The following KPTN variants were observed in gnomAD, a reference collection of about 807,000 sequenced individuals.
KPTN encodes the protein kaptin, actin binding protein.
In KPTN, 36 loss-of-function variants were observed where a neutral mutation model predicts 52.6. The observed-to-expected ratio is 0.68, with a 90% confidence interval of 0.52 to 0.90. The LOEUF is 0.90. Ranked by LOEUF, KPTN falls within the 40% of genes least tolerant of loss-of-function variation. KPTN has a pLI of 0.00. For missense variants in KPTN, 529 were observed against 576.2 expected, an observed-to-expected ratio of 0.92 and a Z score of 0.84; for synonymous variants, 271 against 248.4, an observed-to-expected ratio of 1.09 and a Z score of -0.85.
In KPTN at chr19:47,476,869, G is replaced by A; in HGVS notation, c.933C>T (p.Leu311=). ...LPGSDQFDSV[L]CSLVTDVDLD... ...AATCCACATCGGTGACCAGGCTGCA[G>A]AGGACGCTGTCAAACTGGTCACTGC... is the stretch of plus-strand genomic sequence containing the variant. The change falls in exon 10 of 12, where the codon CTC becomes CTT. Residue 311 remains leucine, a synonymous_variant. Coordinates refer to ENST00000338134, the MANE Select transcript of KPTN (RefSeq NM_007059.4). 2.5e-6 allele frequency: 4 copies of A among 1,570,110 alleles called. No individual in the cohort carries two copies. Among genetic ancestry groups the A allele is most frequent in the Non-Finnish European group, 1.7e-6 (2 of 1,157,050 alleles).
chr19:47,484,094 AGAAGCGCGT>A lies in KPTN; in HGVS notation c.58_66del (p.Thr20_Phe22del). 1 of 1,606,992 alleles carries A rather than the reference AGAAGCGCGT, an allele frequency of 6.2e-7. No individual in the cohort carries two copies. The highest frequency in any genetic ancestry group is 8.5e-7 in the Non-Finnish European group (1 of 1,179,736). On this transcript the variant is annotated inframe_deletion, in exon 1 of 12. Transcript: ENST00000338134. ...AGCCCGTACACATTGCTCTGCGACG[AGAAGCGCGT>A]GAAGCTGTCCTCGCGCAACGGACAA...
At chr19:47,483,825 C>T in intron 1 of KPTN, 110 bp downstream of exon 1, 2 of 1,463,974 alleles carry the variant, frequency 1.4e-6, no homozygotes, top group Non-Finnish European at 1.8e-6. Flanking sequence ...CCCCTTAAAA[C>T]CACCTGATCC....
At chr19:47,478,333 T>G (rs1967746742) in intron 8 of KPTN, among the ~76,000 whole-genome samples, 1 of 151,724 alleles carries the variant, frequency 6.6e-6, no homozygotes, top group Non-Finnish European at 1.5e-5. Context: ...ATCCCAGCAC[T>G]TTTGGAGGCC....
upstream of KPTN, among the ~76,000 whole-genome samples, chr19:47,485,066 A>T (rs1452880162): frequency 6.6e-6 from 1 of 152,182 alleles, no homozygotes; most frequent in Non-Finnish European, 1.5e-5. Flanking sequence ...CCCCAAGGAA[A>T]AATGATCCAG....
Position 47,476,900 on chromosome 19 carries a change from A to C in KPTN, c.902T>G (p.Leu301Arg). The change falls in exon 10 of 12, where the codon CTG becomes CGG. Residue 301 changes from leucine to arginine, a missense_variant. Coordinates refer to ENST00000338134, the MANE Select transcript of KPTN (RefSeq NM_007059.4). ...GCTGTCAAACTGGTCACTGCCGGGC[A>C]GGAGAAGCTGGTCTTCAAGACCCCG... Reference protein sequence around the residue: ...LNRGLEDQLLLPGSDQFDSVL... With the variant: ...LNRGLEDQLLRPGSDQFDSVL... 1 of 1,560,372 alleles carries C rather than the reference A, an allele frequency of 6.4e-7. No homozygotes were observed. The highest frequency in any genetic ancestry group is 8.7e-7 in the Non-Finnish European group (1 of 1,151,600).
intron 8 of KPTN, among the ~76,000 whole-genome samples, chr19:47,479,145 C>T (rs1029987063): frequency 2.0e-5 from 3 of 152,180 alleles, no homozygotes; most frequent in Non-Finnish European, 4.4e-5. Flanking sequence ...TGGGTTCAAT[C>T]GATTCTCCTG....
chr19:47,483,209 C>G lies in KPTN; in HGVS notation c.401G>C (p.Cys134Ser), dbSNP rs978654855. 10 of 1,614,016 alleles carry G rather than the reference C, an allele frequency of 6.2e-6. No individual in the cohort carries two copies. Among genetic ancestry groups the G allele is most frequent in the African/African-American group, 1.3e-5 (1 of 75,040 alleles). The change falls in exon 4 of 12, where the codon TGC becomes TCC. Residue 134 changes from cysteine to serine, a missense_variant. By Grantham distance (112) the Cys-to-Ser change is moderately radical (BLOSUM62 -1). Coordinates refer to ENST00000338134, the MANE Select transcript of KPTN (RefSeq NM_007059.4). ...AGTGAACTGGAGCTCCAGGTTCAGG[C>G]AGCTCTCTGTAGGCAGGGCACAGGC... ...EYNLDSIAQS[C>S]LNLELQFTPF...
Position 47,478,022 on chromosome 19 carries a change from T to G in KPTN, c.788-241A>C, listed in dbSNP as rs1366173257. On this transcript the variant is annotated intron_variant, in intron 8 of 11. Coordinates refer to ENST00000338134, the MANE Select transcript of KPTN (RefSeq NM_007059.4). ...TTGGAGTGAGCCAAGATCACACCAC[T>G]GCACTCCAGCCTGGGTGACAGAGCG... Among the ~76,000 whole-genome samples, 5 of 150,002 alleles carry G rather than the reference T, an allele frequency of 3.3e-5. No individual in the cohort carries two copies. The East Asian group carries it at 9.9e-4, about 30-fold the overall frequency.
Position 47,476,589 on chromosome 19 carries a change from G to T in KPTN, c.1125C>A (p.Thr375=). ...CGGCAAGCTCCTGCAGCCCATCCCC[G>T]GTCAGGTCCACGTGAGCCATGGCCA... ...PLLAMAHVDL[T]GDGLQELAVV... Residue 375 remains threonine, a synonymous_variant, in exon 11 of 12, where the codon ACC becomes ACA. Coordinates refer to ENST00000338134, the MANE Select transcript of KPTN (RefSeq NM_007059.4). The T allele has an allele frequency of 6.2e-7, 1 of 1,611,934 alleles. No homozygotes were observed. The highest frequency in any genetic ancestry group is 8.5e-7 in the Non-Finnish European group (1 of 1,179,654).
chr19:47,476,579 G>T lies in KPTN; in HGVS notation c.1135C>A (p.Leu379Met). Residue 379 changes from leucine (L) to methionine (M), a missense_variant, in exon 11 of 12, where the codon CTG becomes ATG. Leu to Met is a conservative substitution (Grantham distance 15, BLOSUM62 2). Transcript: ENST00000338134. Reference sequence around the variant, plus strand: ...AGGGAGACCACGGCAAGCTCCTGCAGCCCATCCCCGGTCAGGTCCACGTGA... The same window carrying T: ...AGGGAGACCACGGCAAGCTCCTGCATCCCATCCCCGGTCAGGTCCACGTGA... ...MAHVDLTGDG[L>M]QELAVVSLKG... The T allele has an allele frequency of 6.2e-7, 1 of 1,611,872 alleles. No individual in the cohort carries two copies. Among genetic ancestry groups the T allele is most frequent in the Non-Finnish European group, 8.5e-7 (1 of 1,179,620 alleles).
In KPTN at chr19:47,480,741, C is replaced by A. The variant is rs769660633; in HGVS notation, c.599+19G>T. On this transcript the variant is annotated intron_variant, in intron 6 of 11. Coordinates refer to ENST00000338134, the MANE Select transcript of KPTN (RefSeq NM_007059.4). Reference sequence around the variant, plus strand: ...TCAGTGCCCCGGTCCCCAGTGGCCTCTTTCGGGGCCTCTCCTACCTACTGG... The same window carrying A: ...TCAGTGCCCCGGTCCCCAGTGGCCTATTTCGGGGCCTCTCCTACCTACTGG... 6.2e-7 allele frequency: 1 copy of A among 1,613,122 alleles called. No individual in the cohort carries two copies. Among genetic ancestry groups the A allele is most frequent in the South Asian group, 1.1e-5 (1 of 91,062 alleles).
chr19:47,480,327 C>G lies in KPTN; in HGVS notation c.680G>C (p.Arg227Pro), dbSNP rs1295712254. The G allele has an allele frequency of 6.5e-7, 1 of 1,549,042 alleles. No individual in the cohort carries two copies. The highest frequency in any genetic ancestry group is 8.7e-7 in the Non-Finnish European group (1 of 1,146,216). ...SALGCQSGYV[R>P]VAHVDQRSRE... ...ACTCCGCTGGTCCACGTGGGCGACA[C>G]GGACATAACCACTCTGACAGCCCAG... The change falls in exon 7 of 12, where the codon CGT (arginine) becomes CCT (proline). Residue 227 changes from arginine to proline, a missense_variant. Arg to Pro is a moderately radical substitution (Grantham distance 103, BLOSUM62 -2). Coordinates refer to ENST00000338134, the MANE Select transcript of KPTN (RefSeq NM_007059.4).
upstream of KPTN, among the ~76,000 whole-genome samples, chr19:47,484,948 C>A (rs749780637): frequency 1.3e-4 from 20 of 152,178 alleles, no homozygotes; most frequent in Non-Finnish European, 2.1e-4. Flanking sequence ...GATCCGCCCA[C>A]CTCGGCCTCC....
At position 47,483,494 on chromosome 19, in the gene KPTN, C is replaced by T. The variant is rs769331426; in HGVS notation, c.309+8G>A. The T allele has an allele frequency of 6.3e-7, 1 of 1,599,656 alleles. No homozygotes were observed. The highest frequency in any genetic ancestry group is 8.5e-7 in the Non-Finnish European group (1 of 1,172,326). On this transcript the variant is annotated splice_region_variant and intron_variant, in intron 2 of 11. Coordinates refer to ENST00000338134, the MANE Select transcript of KPTN (RefSeq NM_007059.4). ...AGGGCGAAGGGAGGTGGAGGGGGCTCTAGGTACCTTGATGAACGTGATCCC... is the reference window on the plus strand; with the variant it reads ...AGGGCGAAGGGAGGTGGAGGGGGCTTTAGGTACCTTGATGAACGTGATCCC...
intron 9 of KPTN, 112 bp from the exon 10 acceptor site, chr19:47,477,050 C>G: frequency 8.9e-7 from 1 of 1,124,870 alleles, no homozygotes; most frequent in Non-Finnish European, 1.3e-6. Context: ...CCTAGACACA[C>G]TGGTCCTCCG....
At chr19:47,478,941 G>A (rs1328578108) in intron 8 of KPTN, among the ~76,000 whole-genome samples, 6 of 152,208 alleles carry the variant, frequency 3.9e-5, no homozygotes, top group South Asian at 4.1e-4. Flanking sequence ...TAGGTACAAC[G>A]GACACTAGCT....
Position 47,483,925 on chromosome 19 carries a change from C to A in KPTN, c.226+10G>T, listed in dbSNP as rs1967980070. On this transcript the variant is annotated intron_variant, in intron 1 of 11. Coordinates refer to ENST00000338134, the MANE Select transcript of KPTN (RefSeq NM_007059.4). ...AGGCCCCCGCCCCCCAGCACCATAG[C>A]GCCACCCACCGGGAATGTAGTTGAA... is the stretch of plus-strand genomic sequence containing the variant. 6.2e-7 allele frequency: 1 copy of A among 1,613,364 alleles called. No homozygotes were observed. The highest frequency in any genetic ancestry group is 1.3e-5 in the African/African-American group (1 of 74,912).
chr19:47,480,803 G>T lies in KPTN; in HGVS notation c.556C>A (p.Pro186Thr). 1 of 1,614,034 alleles carries T rather than the reference G, an allele frequency of 6.2e-7. No individual in the cohort carries two copies. The highest frequency in any genetic ancestry group is 8.5e-7 in the Non-Finnish European group (1 of 1,180,002). Residue 186 changes from proline (P) to threonine (T), a missense_variant, in exon 6 of 12, where the codon CCC becomes ACC. Coordinates refer to ENST00000338134, the MANE Select transcript of KPTN (RefSeq NM_007059.4). ...AGCTCTGGGAAGAGGTTTTCCACGGGCTGTTCCTCAAACTGATGCAGCCCC... is the reference window on the plus strand; with the variant it reads ...AGCTCTGGGAAGAGGTTTTCCACGGTCTGTTCCTCAAACTGATGCAGCCCC... Reference protein sequence around the residue: ...NEGLHQFEEQPVENLFPELTN... With the variant: ...NEGLHQFEEQTVENLFPELTN...
intron 5 of KPTN, 30 bp downstream of exon 5, chr19:47,480,928 G>C (rs1967857289): frequency 9.3e-6 from 15 of 1,612,330 alleles, no homozygotes; most frequent in Non-Finnish European, 1.3e-5. Context: ...AATCCCACAG[G>C]GCTCTGCCCA....
Sources: gnomAD v4.1 joint callset for allele counts (sites outside exome capture counted in the v4.1 genomes callset) on GRCh38, gnomAD v4.1.1 for gene constraint, MANE v1.5 for transcripts, NCBI Gene and HGNC (gene_info 2026-07-23, HGNC 2026-07-21) for gene names.